KLF12: variants seen among roughly 807,000 people sequenced by gnomAD.
KLF12 encodes the protein KLF transcription factor 12.
A neutral mutation model predicts 37.8 loss-of-function variants in KLF12; 9 were observed. The ratio of observed to expected loss-of-function variants is 0.24; its 90% confidence interval spans 0.14 to 0.42. The LOEUF is 0.42. KLF12 is among the 10% of genes least tolerant of loss of function. The probability of loss-of-function intolerance (pLI) is 1.00; values close to 1 mark genes in which losing one functional copy is unlikely to be tolerated. For missense variants in KLF12, 411 were observed against 516.0 expected (o/e 0.80, Z 1.97); for synonymous variants, 208 against 202.1 (o/e 1.03, Z -0.25).
At chr13:74,003,883 A>G (rs1462269421) in intron 1 of KLF12, among the ~76,000 whole-genome samples, 2 of 152,178 alleles carry the variant, frequency 1.3e-5, no homozygotes, top group African/African-American at 4.8e-5. Context: ...AAGGAATGTC[A>G]ATGGCATTTT....
chr13:74,148,403 CTTTTTTTTTTTT>C, the KLF12 span, among the ~76,000 whole-genome samples: 1 of 73,484 alleles, frequency 1.4e-5, no homozygotes, highest in Non-Finnish European at 2.4e-5. Flanking sequence ...CAAAACTGCT[CTTTTTTTTTTTT>C]TTTTTTTTTT....
intron 2 of KLF12, among the ~76,000 whole-genome samples, chr13:73,950,348 A>G (rs9592951): frequency 0.054 from 8,233 of 152,296 alleles, 290 homozygotes; most frequent in African/African-American, 0.1. Flanking sequence ...GCCTCAATAC[A>G]TTTTTAAGGA....
At position 73,742,355 on chromosome 13, in the gene KLF12, T is replaced by C. The variant is rs551463381; in HGVS notation, c.869+22583A>G. ...TTCAGTCAAACCTGAGCTCAAAATA[T>C]AGAGTGTATATAAATTTCAGTCTAT... On this transcript the variant is annotated intron_variant, in intron 6 of 7. Transcript: ENST00000377669. Among the ~76,000 whole-genome samples the C allele has an allele frequency of 2.6e-5, 4 of 152,262 alleles. No individual in the cohort carries two copies. In the East Asian group the frequency reaches 5.8e-4, roughly 22 times the overall value.
chr13:73,984,289 G>A (rs144887268), intron 2 of KLF12, among the ~76,000 whole-genome samples: 2,909 of 152,280 alleles, frequency 0.019, 30 homozygotes, highest in Non-Finnish European at 0.026. Flanking sequence ...AGCACCTGCC[G>A]CATGCATCTC....
chr13:74,302,938 A>C, the KLF12 span, among the ~76,000 whole-genome samples: 1 of 152,148 alleles, frequency 6.6e-6, no homozygotes, highest in Non-Finnish European at 1.5e-5. Flanking sequence ...TGCCTGAATT[A>C]ACAGTCTTCC....
intron 1 of KLF12, among the ~76,000 whole-genome samples, chr13:74,027,841 A>G (rs1269540664): frequency 6.6e-6 from 1 of 152,200 alleles, no homozygotes; most frequent in Non-Finnish European, 1.5e-5. Flanking sequence ...AACAAGATGC[A>G]TTAAAGAGTC....
chr13:73,903,898 G>A (rs1319132478), intron 3 of KLF12, among the ~76,000 whole-genome samples: 1 of 152,076 alleles, frequency 6.6e-6, no homozygotes, highest in Non-Finnish European at 1.5e-5. Context: ...ATGATGTGAG[G>A]TGGAATAGTT....
At chr13:74,296,368 T>G in the KLF12 span, among the ~76,000 whole-genome samples, 1 of 152,184 alleles carries the variant, frequency 6.6e-6, no homozygotes, top group Non-Finnish European at 1.5e-5. Context: ...TATGTGGTAC[T>G]ATCTCATCCA....
At chr13:73,897,093 T>C (rs1887806712) in intron 3 of KLF12, among the ~76,000 whole-genome samples, 1 of 143,980 alleles carries the variant, frequency 6.9e-6, no homozygotes, top group African/African-American at 2.4e-5. Context: ...CTAAATTTGT[T>C]TCCCATGGCA....
the KLF12 span, among the ~76,000 whole-genome samples, chr13:74,253,041 A>G: frequency 4.0e-5 from 6 of 151,582 alleles, no homozygotes; most frequent in Non-Finnish European, 5.9e-5. Context: ...CTATCTACCT[A>G]TCTATCTATC....
chr13:73,866,074 G>C (rs1886161112), intron 3 of KLF12, among the ~76,000 whole-genome samples: 1 of 152,136 alleles, frequency 6.6e-6, no homozygotes. Flanking sequence ...TGGCCAACAG[G>C]GCGAAACTCC....
At chr13:74,120,875 C>T (rs944574327) in intron 1 of KLF12, among the ~76,000 whole-genome samples, 2 of 151,482 alleles carry the variant, frequency 1.3e-5, no homozygotes, top group African/African-American at 4.8e-5. Context: ...ACAAAACAAA[C>T]AGATTAACTA....
At chr13:74,105,749 C>A (rs1031334005) in intron 1 of KLF12, among the ~76,000 whole-genome samples, 2 of 152,036 alleles carry the variant, frequency 1.3e-5, no homozygotes, top group Admixed American at 1.3e-4. Context: ...AGTGCTTGTT[C>A]AAATAATTCA....
At chr13:74,141,534 C>G in the KLF12 span, among the ~76,000 whole-genome samples, 1 of 152,132 alleles carries the variant, frequency 6.6e-6, no homozygotes, top group Non-Finnish European at 1.5e-5. Flanking sequence ...ATATTTTTGT[C>G]CATCCCTTGC....
rs546445173 is a variant in KLF12, at chr13:74,016,675, T to C, written c.-31-21622A>G. Among the ~76,000 whole-genome samples, 10 of 152,322 alleles carry C rather than the reference T, an allele frequency of 6.6e-5. No homozygotes were observed. The East Asian group carries it at 1.5e-3, about 24-fold the overall frequency. On this transcript the variant is annotated intron_variant, in intron 1 of 7. Transcript: ENST00000377669. ...ACCATGCCCTGCCTCTCATGTAGCA[T>C]TGACAAATGTCTAAATGACACAGTT... is the stretch of plus-strand genomic sequence containing the variant.
At position 73,886,480 on chromosome 13, in the gene KLF12, T is replaced by C. The variant is rs550400635; in HGVS notation, c.124-40107A>G. Among the ~76,000 whole-genome samples the C allele has an allele frequency of 2.6e-5, 4 of 151,542 alleles. No homozygotes were observed. The East Asian group carries it at 5.8e-4, about 22-fold the overall frequency. On this transcript the variant is annotated intron_variant, in intron 3 of 7. Coordinates refer to ENST00000377669, the MANE Select transcript of KLF12 (RefSeq NM_007249.5). Reference sequence around the variant, plus strand: ...ATCAGAAGATGGAAAAATAGGGGGGTAGGGTGAGGGAGAGCATCAGGAAGA... The same window carrying C: ...ATCAGAAGATGGAAAAATAGGGGGGCAGGGTGAGGGAGAGCATCAGGAAGA...
At chr13:74,094,124 T>C (rs1397582383) in intron 1 of KLF12, among the ~76,000 whole-genome samples, 2 of 152,090 alleles carry the variant, frequency 1.3e-5, no homozygotes, top group African/African-American at 2.4e-5. Context: ...CTCTACCTTA[T>C]ATATAGACTA....
intron 1 of KLF12, among the ~76,000 whole-genome samples, chr13:74,000,441 A>G (rs960546065): frequency 6.6e-6 from 1 of 152,208 alleles, no homozygotes; most frequent in African/African-American, 2.4e-5. Flanking sequence ...ACCCATATTC[A>G]ATAAAGATCC....
At chr13:74,257,308 A>G in the KLF12 span, 1 of 152,380 alleles carries the variant, frequency 6.6e-6, no homozygotes. Context: ...TTTCCATGGC[A>G]CAGGAGCAGA....
Sources: gnomAD v4.1 joint callset for allele counts (sites outside exome capture counted in the v4.1 genomes callset) on GRCh38, gnomAD v4.1.1 for gene constraint, MANE v1.5 for transcripts, NCBI Gene and HGNC (gene_info 2026-07-23, HGNC 2026-07-21) for gene names.